The following KCTD8 variants were observed in gnomAD, a reference collection of about 807,000 sequenced individuals.
KCTD8 encodes BTB/POZ domain-containing protein KCTD8.
A neutral mutation model predicts 31.5 loss-of-function variants in KCTD8; 27 were observed. The observed-to-expected ratio is 0.86, with a 90% CI of 0.63 to 1.18. The LOEUF (loss-of-function observed/expected upper bound fraction) is 1.18, where lower values mean the gene tolerates loss of function less well. KCTD8 is among the 50% of genes most tolerant of loss of function. The pLI is 0.00. For synonymous variants in KCTD8, 290 were observed against 280.0 expected (o/e 1.04, Z -0.36); for missense variants, 658 against 647.7 (o/e 1.02, Z -0.17).
At chr4:44,244,723 G>T (rs985314205) in intron 1 of KCTD8, among the ~76,000 whole-genome samples, 3 of 152,036 alleles carry the variant, frequency 2.0e-5, no homozygotes, top group Non-Finnish European at 4.4e-5. Flanking sequence ...AGGAGGAAAA[G>T]ATGCTACACA....
chr4:44,269,886 A>C (rs1350675196), intron 1 of KCTD8, among the ~76,000 whole-genome samples: 2 of 152,176 alleles, frequency 1.3e-5, no homozygotes, highest in Non-Finnish European at 2.9e-5. Flanking sequence ...AAAAGTCAGG[A>C]AACAACACAT....
chr4:44,445,884 C>T (rs1257383760), intron 1 of KCTD8, among the ~76,000 whole-genome samples: 1 of 152,090 alleles, frequency 6.6e-6, no homozygotes, highest in Non-Finnish European at 1.5e-5. Flanking sequence ...TAAAATGGTG[C>T]TAAAATACTT....
chr4:44,203,795 TATA>T (rs1157965914), intron 1 of KCTD8, among the ~76,000 whole-genome samples: 5 of 151,762 alleles, frequency 3.3e-5, no homozygotes, highest in Admixed American at 6.6e-5. Flanking sequence ...ATGAGAACGA[TATA>T]ATATTAATAA....
At chr4:44,400,976 A>C (rs1301280225) in intron 1 of KCTD8, among the ~76,000 whole-genome samples, 2 of 149,454 alleles carry the variant, frequency 1.3e-5, no homozygotes, top group Non-Finnish European at 3.0e-5. Flanking sequence ...AGCTAGGACC[A>C]CAGGTGCACA....
intron 1 of KCTD8, among the ~76,000 whole-genome samples, chr4:44,320,233 TG>T (rs2109405514): frequency 1.4e-5 from 2 of 139,260 alleles, no homozygotes; most frequent in African/African-American, 5.3e-5. Context: ...TCTGCTTCCA[TG>T]GGGCTTCAAA....
At chr4:44,197,742 T>A (rs1713990843) in intron 1 of KCTD8, among the ~76,000 whole-genome samples, 1 of 152,124 alleles carries the variant, frequency 6.6e-6, no homozygotes, top group Admixed American at 6.5e-5. Flanking sequence ...ATTCTGGCAT[T>A]CAAAAAGCCA....
intron 1 of KCTD8, among the ~76,000 whole-genome samples, chr4:44,179,149 G>C (rs1415703377): frequency 6.6e-6 from 1 of 151,918 alleles, no homozygotes; most frequent in Non-Finnish European, 1.5e-5. Flanking sequence ...TCCTACACTA[G>C]CTTTTTTTTT....
intron 1 of KCTD8, among the ~76,000 whole-genome samples, chr4:44,185,430 TA>T (rs1203846691): frequency 1.3e-5 from 2 of 152,304 alleles, no homozygotes; most frequent in East Asian, 3.9e-4. Context: ...TTCCATTAAG[TA>T]TATCCTTGTT....
At chr4:44,177,318 C>T (rs1365304665) in intron 1 of KCTD8, among the ~76,000 whole-genome samples, 4 of 152,068 alleles carry the variant, frequency 2.6e-5, no homozygotes, top group Non-Finnish European at 5.9e-5. Flanking sequence ...TGGTTATATC[C>T]CTGGACCTAG....
intron 1 of KCTD8, among the ~76,000 whole-genome samples, chr4:44,430,151 A>T (rs1721439291): frequency 6.6e-6 from 1 of 151,860 alleles, no homozygotes; most frequent in African/African-American, 2.4e-5. Flanking sequence ...AGCTGTCTTC[A>T]TGGATATTCA....
At chr4:44,199,046 G>A (rs528770774) in intron 1 of KCTD8, among the ~76,000 whole-genome samples, 34 of 151,884 alleles carry the variant, frequency 2.2e-4, no homozygotes, top group Non-Finnish European at 4.3e-4. Flanking sequence ...AATCATGAGG[G>A]ACAAAGAAGG....
intron 1 of KCTD8, among the ~76,000 whole-genome samples, chr4:44,213,522 T>C (rs1267976095): frequency 6.6e-6 from 1 of 152,180 alleles, no homozygotes; most frequent in Non-Finnish European, 1.5e-5. Flanking sequence ...TCTGTTCCTA[T>C]GAACTAAACA....
chr4:44,420,415 A>T (rs893556530), intron 1 of KCTD8, among the ~76,000 whole-genome samples: 5 of 152,176 alleles, frequency 3.3e-5, no homozygotes, highest in Non-Finnish European at 7.3e-5. Context: ...AAGGATCAGC[A>T]AACTTTTTCT....
At chr4:44,354,962 A>C (rs1398002813) in intron 1 of KCTD8, among the ~76,000 whole-genome samples, 1 of 152,190 alleles carries the variant, frequency 6.6e-6, no homozygotes, top group Non-Finnish European at 1.5e-5. Context: ...ATTGTGAGAA[A>C]ATGAATAAAT....
intron 1 of KCTD8, among the ~76,000 whole-genome samples, chr4:44,323,353 G>C (rs555453607): frequency 6.6e-6 from 1 of 151,786 alleles, no homozygotes; most frequent in East Asian, 1.9e-4. Flanking sequence ...AATTAGCCAT[G>C]TGTAGTGGCT....
intron 1 of KCTD8, among the ~76,000 whole-genome samples, chr4:44,412,459 A>G (rs1026259642): frequency 2.6e-5 from 4 of 152,220 alleles, no homozygotes; most frequent in African/African-American, 9.7e-5. Context: ...TTGTTGGAAT[A>G]TAGTTTCCCC....
chr4:44,350,065 T>C (rs1196340242), intron 1 of KCTD8, among the ~76,000 whole-genome samples: 2 of 152,174 alleles, frequency 1.3e-5, no homozygotes, highest in South Asian at 2.1e-4. Context: ...GTATAGATTT[T>C]GCAAATGTTT....
intron 1 of KCTD8, among the ~76,000 whole-genome samples, chr4:44,271,628 G>T (rs1197856308): frequency 3.3e-5 from 5 of 152,152 alleles, no homozygotes; most frequent in Non-Finnish European, 7.3e-5. Context: ...GGCCCACCCA[G>T]GGCAGAAAAC....
At chr4:44,214,146 G>A (rs1211849580) in intron 1 of KCTD8, among the ~76,000 whole-genome samples, 1 of 152,136 alleles carries the variant, frequency 6.6e-6, no homozygotes, top group Non-Finnish European at 1.5e-5. Context: ...TCCTACATAA[G>A]CTTCAATCAT....
Sources: allele counts gnomAD v4.1 joint callset (sites outside exome capture counted in the v4.1 genomes callset), GRCh38; gene constraint gnomAD v4.1.1; transcripts MANE v1.5; gene names NCBI Gene and HGNC (gene_info 2026-07-23, HGNC 2026-07-21).